The following CADM2 variants were observed in gnomAD, a reference collection of about 807,000 sequenced individuals.
CADM2 encodes the protein immunoglobulin superfamily member 4D.
CADM2 carries 12 observed loss-of-function variants against 49.8 expected under a neutral mutation model. The ratio of observed to expected loss-of-function variants is 0.24; its 90% CI spans 0.15 to 0.39. The LOEUF (loss-of-function observed/expected upper bound fraction) is 0.39. CADM2 is among the 10% of genes least tolerant of loss of function. CADM2 has a pLI of 1.00. For synonymous variants in CADM2, 214 were observed against 175.4 expected (o/e 1.22, Z -1.74); for missense variants, 378 against 492.3 (o/e 0.77, Z 2.20).
At chr3:85,119,242 T>C (rs1428800376) in intron 1 of CADM2, among the ~76,000 whole-genome samples, 22 of 152,038 alleles carry the variant, frequency 1.4e-4, no homozygotes, top group Admixed American at 1.2e-3. Flanking sequence ...TGAAACCCTG[T>C]CTCTACAAAA....
chr3:85,772,928 G>A (rs1159327307), intron 2 of CADM2, among the ~76,000 whole-genome samples: 2 of 101,288 alleles, frequency 2.0e-5, no homozygotes, highest in East Asian at 5.5e-4. Context: ...TCTTTTTTTT[G>A]ATTCTAGCTA....
intron 1 of CADM2, among the ~76,000 whole-genome samples, chr3:85,216,767 T>G (rs1216280445): frequency 1.3e-5 from 2 of 152,122 alleles, no homozygotes. Context: ...ATTTGTAGAA[T>G]TTAAACTATT....
intron 1 of CADM2, among the ~76,000 whole-genome samples, chr3:85,618,412 A>G (rs2063862385): frequency 6.6e-6 from 1 of 152,122 alleles, no homozygotes; most frequent in African/African-American, 2.4e-5. Flanking sequence ...AAAGTAAGTA[A>G]CGAAACAGAA....
intron 2 of CADM2, among the ~76,000 whole-genome samples, chr3:85,763,263 T>C (rs1311222771): frequency 1.3e-5 from 2 of 152,184 alleles, no homozygotes; most frequent in Non-Finnish European, 2.9e-5. Flanking sequence ...CCAACTATGA[T>C]TATTTGGTAT....
chr3:85,244,317 C>T (rs1478957834), intron 1 of CADM2, among the ~76,000 whole-genome samples: 1 of 152,064 alleles, frequency 6.6e-6, no homozygotes, highest in African/African-American at 2.4e-5. Context: ...AATAAAACCT[C>T]AGCCAAAAAC....
chr3:85,597,077 A>G (rs904322517), intron 1 of CADM2, among the ~76,000 whole-genome samples: 3 of 152,070 alleles, frequency 2.0e-5, no homozygotes, highest in African/African-American at 4.8e-5. Flanking sequence ...TTTTCTTTGT[A>G]GATTAACTAA....
intron 1 of CADM2, among the ~76,000 whole-genome samples, chr3:85,639,540 T>C (rs905850474): frequency 6.6e-6 from 1 of 152,190 alleles, no homozygotes; most frequent in African/African-American, 2.4e-5. Context: ...GTCTTACTGT[T>C]TTTTTCATGG....
chr3:85,994,190 A>G (rs1729097288), intron 8 of CADM2: 1 of 152,250 alleles, frequency 6.6e-6, no homozygotes, highest in Non-Finnish European at 1.5e-5. Flanking sequence ...ATAACATGCT[A>G]TAGCTTCTCC....
At chr3:85,673,287 C>T (rs1311789587) in intron 1 of CADM2, among the ~76,000 whole-genome samples, 1 of 152,108 alleles carries the variant, frequency 6.6e-6, no homozygotes, top group Middle Eastern at 3.4e-3. Context: ...CTCTATGAGC[C>T]AACAATATTC....
At chr3:85,164,747 C>T (rs1386220799) in intron 1 of CADM2, among the ~76,000 whole-genome samples, 1 of 151,948 alleles carries the variant, frequency 6.6e-6, no homozygotes, top group Admixed American at 6.6e-5. Context: ...TGGAGTTTGT[C>T]TTTCACATGC....
At chr3:85,444,438 C>T (rs2037351987) in intron 1 of CADM2, among the ~76,000 whole-genome samples, 1 of 105,790 alleles carries the variant, frequency 9.5e-6, no homozygotes. Context: ...TCTTTTCCTA[C>T]ACACTCACAC....
At chr3:85,909,529 A>G (rs1021481078) in intron 5 of CADM2, among the ~76,000 whole-genome samples, 63 of 152,226 alleles carry the variant, frequency 4.1e-4, no homozygotes, top group African/African-American at 1.5e-3. Flanking sequence ...ATCTTTAGTT[A>G]TGTCTCCAGT....
chr3:85,918,413 A>G (rs1053387421), intron 6 of CADM2, among the ~76,000 whole-genome samples: 3 of 152,136 alleles, frequency 2.0e-5, no homozygotes, highest in Non-Finnish European at 2.9e-5. Flanking sequence ...TGAGATAATC[A>G]TGTGGTTTTT....
At chr3:85,607,641 G>A (rs1156393241) in intron 1 of CADM2, among the ~76,000 whole-genome samples, 1 of 151,720 alleles carries the variant, frequency 6.6e-6, no homozygotes, top group East Asian at 1.9e-4. Flanking sequence ...ATATACACCT[G>A]CGTATTCAAA....
chr3:85,792,257 A>G (rs187209938), intron 2 of CADM2, among the ~76,000 whole-genome samples: 1 of 152,338 alleles, frequency 6.6e-6, no homozygotes, highest in Admixed American at 6.5e-5. Context: ...GATTAAGTTG[A>G]CAGTTTTCAC....
intron 1 of CADM2, among the ~76,000 whole-genome samples, chr3:85,189,870 T>C (rs1247375007): frequency 7.2e-6 from 1 of 139,820 alleles, no homozygotes; most frequent in Non-Finnish European, 1.5e-5. Context: ...ATGGCTGTTG[T>C]CCGGAGATAT....
chr3:85,876,243 G>C (rs1049780965), intron 3 of CADM2, among the ~76,000 whole-genome samples: 1 of 152,054 alleles, frequency 6.6e-6, no homozygotes, highest in Non-Finnish European at 1.5e-5. Context: ...CCTGATGTAG[G>C]TTTTCCTTTA....
At chr3:86,011,019 T>G (rs2106909821) in intron 8 of CADM2, among the ~76,000 whole-genome samples, 1 of 152,098 alleles carries the variant, frequency 6.6e-6, no homozygotes, top group East Asian at 1.9e-4. Context: ...ATATACCTTT[T>G]ATCGTATATC....
At chr3:85,924,514 C>A (rs1719571049) in intron 6 of CADM2, among the ~76,000 whole-genome samples, 1 of 151,878 alleles carries the variant, frequency 6.6e-6, no homozygotes, top group Admixed American at 6.6e-5. Context: ...ATCCCTTAAG[C>A]CCAGGAGTTT....
Sources: gnomAD v4.1 joint callset for allele counts (sites outside exome capture counted in the v4.1 genomes callset) on GRCh38, gnomAD v4.1.1 for gene constraint, MANE v1.5 for transcripts, NCBI Gene and HGNC (gene_info 2026-07-23, HGNC 2026-07-21) for gene names.